GAA: variants seen among roughly 807,000 people sequenced by gnomAD.
GAA encodes alpha glucosidase.
Under a neutral mutation model 103.9 loss-of-function variants are expected in GAA, and 88 were observed. That is an observed-to-expected ratio of 0.85 (90% confidence interval 0.71 to 1.01). GAA has a LOEUF of 1.01. Ranked by LOEUF, GAA falls within the 50% of genes least tolerant of loss-of-function variation. The probability of loss-of-function intolerance (pLI) is 0.00; values close to 1 mark genes in which losing one functional copy is unlikely to be tolerated. For synonymous variants in GAA, 572 were observed against 563.1 expected (o/e 1.02, Z -0.22); for missense variants, 1,350 against 1,305.3 (o/e 1.03, Z -0.53).
At chr17:80,106,590 C>T (rs1205252438) in intron 3 of GAA, among the ~76,000 whole-genome samples, 3 of 152,154 alleles carry the variant, frequency 2.0e-5, no homozygotes, top group East Asian at 1.9e-4. Flanking sequence ...CTGAGCTGAC[C>T]TCTGAGTAGA....
intron 12 of GAA, 46 bp from the exon 13 acceptor site, chr17:80,112,532 G>T (rs1445436034): frequency 1.9e-6 from 3 of 1,611,164 alleles, no homozygotes; most frequent in Non-Finnish European, 2.5e-6. Flanking sequence ...GGGTTCCCGA[G>T]TGACCCCGCT....
chr17:80,119,114 C>T (rs568917934), intron 19 of GAA, among the ~76,000 whole-genome samples, 158 bp from the exon 20 acceptor site: 2 of 152,236 alleles, frequency 1.3e-5, no homozygotes, highest in African/African-American at 4.8e-5. Flanking sequence ...GGGGAGGAAC[C>T]GGGTGCGAAG....
intron 15 of GAA, among the ~76,000 whole-genome samples, chr17:80,115,034 C>T (rs1274785164): frequency 2.6e-5 from 4 of 152,090 alleles, no homozygotes; most frequent in Non-Finnish European, 2.9e-5. Flanking sequence ...TTTGAAGTCC[C>T]GATGGTGTGT....
Position 80,108,430 on chromosome 17 carries a change from G to T in GAA, c.1075+21G>T, listed in dbSNP as rs373570053. The T allele has an allele frequency of 1.2e-5, 19 of 1,613,056 alleles. No individual in the cohort carries two copies. In the East Asian group the frequency reaches 4.2e-4, roughly 36 times the overall value. ...TGTGGGTAGGGCCTGCTCCCTGGCC[G>T]CGGCCCCCGCCCCAAGGCTCCCTCC... On this transcript the variant is annotated intron_variant, in intron 6 of 19. Coordinates refer to ENST00000302262, the MANE Select transcript of GAA (RefSeq NM_000152.5).
Position 80,110,859 on chromosome 17 carries a change from T to G in GAA, c.1551+19T>G. 6.2e-7 allele frequency: 1 copy of G among 1,613,710 alleles called. No homozygotes were observed. Among genetic ancestry groups the G allele is most frequent in the Non-Finnish European group, 8.5e-7 (1 of 1,179,658 alleles). On this transcript the variant is annotated intron_variant, in intron 10 of 19. Coordinates refer to ENST00000302262, the MANE Select transcript of GAA (RefSeq NM_000152.5). Reference sequence around the variant, plus strand: ...GTGGATTGTAAGTGTGGCCCCCTCCTGAGCATCCCCAAGGCCTCTGGGGAC... The same window carrying G: ...GTGGATTGTAAGTGTGGCCCCCTCCGGAGCATCCCCAAGGCCTCTGGGGAC...
At chr17:80,108,879 A>G (rs1242700449) in intron 8 of GAA, 51 bp downstream of exon 8, 2 of 1,545,260 alleles carry the variant, frequency 1.3e-6, no homozygotes, top group Non-Finnish European at 1.8e-6. Flanking sequence ...CCCGGTGCCC[A>G]GTGGCTCCTT....
chr17:80,106,410 T>A (rs1463838048), intron 3 of GAA, among the ~76,000 whole-genome samples: 1 of 152,114 alleles, frequency 6.6e-6, no homozygotes, highest in Non-Finnish European at 1.5e-5. Context: ...AGGTCCCCTC[T>A]AGAAGCCAGC....
At position 80,104,634 on chromosome 17, in the gene GAA, C is replaced by G; in HGVS notation, c.48C>G (p.Cys16Trp). 1.2e-6 allele frequency: 2 copies of G among 1,613,016 alleles called. No individual in the cohort carries two copies. The highest frequency in any genetic ancestry group is 1.7e-6 in the Non-Finnish European group (2 of 1,179,942). The change falls in exon 2 of 20, where the codon TGC (cysteine) becomes TGG (tryptophan). Residue 16 changes from cysteine (C) to tryptophan (W), a missense_variant. Physicochemically the swap from Cys to Trp is radical, Grantham distance 215. Coordinates refer to ENST00000302262, the MANE Select transcript of GAA (RefSeq NM_000152.5). The surrounding 1 kb of genome is among the most constrained non-coding windows in gnomAD (Gnocchi z 4.0). Reference sequence around the variant, plus strand: ...GCTCCCACCGGCTCCTGGCCGTCTGCGCCCTCGTGTCCTTGGCAACCGCTG... The same window carrying G: ...GCTCCCACCGGCTCCTGGCCGTCTGGGCCCTCGTGTCCTTGGCAACCGCTG... ...PPCSHRLLAV[C>W]ALVSLATAAL...
In GAA at chr17:80,104,512, G is replaced by C. The variant is rs942860017; in HGVS notation, c.-32-43G>C. On this transcript the variant is annotated intron_variant, in intron 1 of 19. Transcript: ENST00000302262. This position sits in a 1 kb window ranked among gnomAD's most constrained non-coding sequence, Gnocchi z 4.0. ...CTGCTTTGAGAGCCCCGTGAGTGCC[G>C]CCCCTCCCGCCTCCCTGCTGAGCCC... 4 of 1,418,188 alleles carry C rather than the reference G, an allele frequency of 2.8e-6. No homozygotes were observed. The highest frequency in any genetic ancestry group is 4.7e-5 in the East Asian group (2 of 42,202). 87.9% of individuals were successfully genotyped at this position (1,418,188 alleles called of 1,614,324 possible).
In GAA at chr17:80,108,343, C is replaced by T. The variant is rs1387814304; in HGVS notation, c.1009C>T (p.Leu337=). Residue 337 remains leucine (L), a synonymous_variant, in exon 6 of 20, where the codon CTG becomes TTG. Coordinates refer to ENST00000302262, the MANE Select transcript of GAA (RefSeq NM_000152.5). ...ALSWRSTGGI[L]DVYIFLGPEP... ...TAGCTGGAGGTCGACAGGTGGGATC[C>T]TGGATGTCTACATCTTCCTGGGCCC... 1 of 1,613,700 alleles carries T rather than the reference C, an allele frequency of 6.2e-7. No homozygotes were observed. Among genetic ancestry groups the T allele is most frequent in the Non-Finnish European group, 8.5e-7 (1 of 1,180,036 alleles).
intron 17 of GAA, 75 bp downstream of exon 17, chr17:80,117,824 G>A: frequency 6.8e-7 from 1 of 1,468,092 alleles, no homozygotes; most frequent in Non-Finnish European, 9.2e-7. Context: ...GGGAGATGGT[G>A]GGGGAGAGGC....
chr17:80,116,893 C>T (rs1461456994), intron 15 of GAA, 75 bp from the exon 16 acceptor site: 1 of 1,553,228 alleles, frequency 6.4e-7, no homozygotes, highest in East Asian at 2.2e-5. Context: ...CTTCCTGTGC[C>T]TCCCCAGGGT....
chr17:80,112,200 C>T lies in GAA; in HGVS notation c.1754+100C>T, dbSNP rs113688685. 2.5e-3 allele frequency: 3,059 copies of T among 1,248,130 alleles called. 57 individuals carry two copies. In the African/African-American group the frequency reaches 0.037, roughly 15 times the overall value. 77.3% of individuals were successfully genotyped at this position (1,248,130 alleles called of 1,614,324 possible). A position where few individuals can be genotyped will look rare whatever the true frequency, so the allele number is the denominator to read the frequency against. On this transcript the variant is annotated intron_variant, in intron 12 of 19. Transcript: ENST00000302262. ...TCAGGGAGGAGGAAAAGCGGAGGCC[C>T]AGACCACCCGGGGCCCGCTGGCGGC...
At chr17:80,118,901 G>A in intron 19 of GAA, 96 bp downstream of exon 19, 1 of 1,454,924 alleles carries the variant, frequency 6.9e-7, no homozygotes, top group Non-Finnish European at 9.4e-7. Context: ...GCCAGGAACA[G>A]AGGATGCTGG....
At position 80,116,962 on chromosome 17, in the gene GAA, T is replaced by C. The variant is rs2039363862; in HGVS notation, c.2190-6T>C. 6.2e-7 allele frequency: 1 copy of C among 1,613,664 alleles called. No individual in the cohort carries two copies. The highest frequency in any genetic ancestry group is 2.2e-5 in the East Asian group (1 of 44,868). On this transcript the variant is annotated splice_region_variant and splice_polypyrimidine_tract_variant and intron_variant, in intron 15 of 19. Coordinates refer to ENST00000302262, the MANE Select transcript of GAA (RefSeq NM_000152.5). ...CCGTATGCCTGTGTGCCCATCCCCC[T>C]TGCAGGTTCCCCAAGGACTCTAGCA...
chr17:80,114,926 C>G (rs556429762), intron 15 of GAA, among the ~76,000 whole-genome samples: 1 of 152,310 alleles, frequency 6.6e-6, no homozygotes, highest in African/African-American at 2.4e-5. Flanking sequence ...GACTGGCGGT[C>G]GTTTCTCTGA....
rs764463384 is a variant in GAA at position 80,107,750 on chromosome 17, A to C, written c.858+28A>C. The C allele has an allele frequency of 3.1e-6, 5 of 1,592,946 alleles. No homozygotes were observed. The South Asian group carries it at 4.4e-5, about 14-fold the overall frequency. ...ACAGCGGCGGGCGGCGGGCGGGGGC[A>C]CTGAGCTGGGGAGCGCAGGTGCTGA... is the stretch of plus-strand genomic sequence containing the variant. On this transcript the variant is annotated intron_variant, in intron 4 of 19. Coordinates refer to ENST00000302262, the MANE Select transcript of GAA (RefSeq NM_000152.5).
In GAA at chr17:80,112,085, C is replaced by T. The variant is rs909561836; in HGVS notation, c.1739C>T (p.Ala580Val). ...CACAACCTCTACGGCCTGACCGAAG[C>T]CATCGCCTCCCACAGGTGAGGGCCA... ...NLHNLYGLTE[A>V]IASHRALVKA... Residue 580 changes from alanine to valine, a missense_variant, in exon 12 of 20, where the codon GCC (alanine) becomes GTC (valine). By Grantham distance (64) the Ala-to-Val change is moderately conservative. Coordinates refer to ENST00000302262, the MANE Select transcript of GAA (RefSeq NM_000152.5). 6 of 1,613,908 alleles carry T rather than the reference C, an allele frequency of 3.7e-6. No individual in the cohort carries two copies. Among genetic ancestry groups the T allele is most frequent in the Non-Finnish European group, 5.1e-6 (6 of 1,179,876 alleles).
At position 80,110,825 on chromosome 17, in the gene GAA, C is replaced by T. The variant is rs143491365; in HGVS notation, c.1536C>T (p.Phe512=). The change falls in exon 10 of 20, where the codon TTC becomes TTT. Residue 512 remains phenylalanine, a synonymous_variant. Transcript: ENST00000302262. ...CTGAGTTCCATGACCAGGTGCCCTT[C>T]GACGGCATGTGGATTGTAAGTGTGG... ...MVAEFHDQVP[F]DGMWIDMNEP... The T allele has an allele frequency of 1.9e-5, 31 of 1,614,112 alleles. No homozygotes were observed. In the Admixed American group the frequency reaches 3.7e-4, roughly 19 times the overall value.
Sources: allele counts gnomAD v4.1 joint callset (sites outside exome capture counted in the v4.1 genomes callset), GRCh38; gene constraint gnomAD v4.1.1; non-coding constraint Gnocchi (gnomAD v3.1); transcripts MANE v1.5; gene names NCBI Gene and HGNC (gene_info 2026-07-23, HGNC 2026-07-21).